EPHA7: variants seen among roughly 807,000 people sequenced by gnomAD.
EPHA7 encodes the protein EPH receptor A7.
EPHA7 carries 25 observed loss-of-function variants against 112.6 expected under a neutral mutation model. That is an observed-to-expected ratio of 0.22 (90% CI 0.16 to 0.31). The LOEUF (loss-of-function observed/expected upper bound fraction) is 0.31. EPHA7 is among the 10% of genes least tolerant of loss of function. The probability of loss-of-function intolerance (pLI) is 1.00; values close to 1 mark genes in which losing one functional copy is unlikely to be tolerated. For synonymous variants in EPHA7, 437 were observed against 406.5 expected, an observed-to-expected ratio of 1.07 and a Z score of -0.90; for missense variants, 962 against 1,212.6, an observed-to-expected ratio of 0.79 and a Z score of 3.07.
intron 5 of EPHA7, among the ~76,000 whole-genome samples, chr6:93,277,285 A>T (rs1771514951): frequency 6.6e-6 from 1 of 152,078 alleles, no homozygotes; most frequent in African/African-American, 2.4e-5. Context: ...ATAAAAATAC[A>T]TACAAATTTG....
At chr6:93,374,752 T>G (rs1378940078) in intron 3 of EPHA7, among the ~76,000 whole-genome samples, 1 of 152,182 alleles carries the variant, frequency 6.6e-6, no homozygotes, top group African/African-American at 2.4e-5. Flanking sequence ...AATAGGAAAC[T>G]GCCTTGGTTT....
rs1467878949 is a variant in EPHA7 at position 93,410,756 on chromosome 6, T to A, written c.577A>T (p.Ile193Leu). 8 of 1,614,078 alleles carry A rather than the reference T, an allele frequency of 5.0e-6. No homozygotes were observed. The highest frequency in any genetic ancestry group is 6.8e-6 in the Non-Finnish European group (8 of 1,179,968). The change falls in exon 3 of 17, where the codon ATA becomes TTA. Residue 193 changes from isoleucine (I) to leucine (L), a missense_variant. Ile to Leu is a conservative substitution (Grantham distance 5). This residue lies in a region of EPHA7 where 160 missense variants were observed against 263.6 expected (regional missense o/e 0.61). Transcript: ENST00000369303. This position sits in a 1 kb window ranked among gnomAD's most constrained non-coding sequence, Gnocchi z 4.0. ...YLAFQDVGAC[I>L]ALVSVKVYYK... The stretch of plus-strand genomic sequence containing the variant: ...TACACTTTGACAGAAACCAAAGCTA[T>A]GCAAGCCCCTACATCCTGAAAGGCA...
intron 5 of EPHA7, among the ~76,000 whole-genome samples, chr6:93,278,487 A>G (rs1300334816): frequency 6.6e-6 from 1 of 152,096 alleles, no homozygotes; most frequent in Non-Finnish European, 1.5e-5. Context: ...ATGGTTAAGG[A>G]GTTCCTGATA....
intron 5 of EPHA7, among the ~76,000 whole-genome samples, chr6:93,356,411 C>T (rs565953459): frequency 2.0e-5 from 3 of 152,064 alleles, no homozygotes; most frequent in African/African-American, 7.2e-5. Context: ...TTTCTTGTTG[C>T]CCAGGCTGGT....
At chr6:93,324,524 T>C (rs962534836) in intron 5 of EPHA7, among the ~76,000 whole-genome samples, 2 of 151,356 alleles carry the variant, frequency 1.3e-5, no homozygotes, top group African/African-American at 4.8e-5. Context: ...ACAGAACTCA[T>C]ACAACATGTA....
At chr6:93,409,916 A>G (rs1224734387) in intron 3 of EPHA7, 1 of 151,516 alleles carries the variant, frequency 6.6e-6, no homozygotes, top group African/African-American at 2.4e-5. Context: ...CCAAAAAAAA[A>G]AAAAAAAAAC....
At chr6:93,362,205 T>TA (rs1776295772) in intron 3 of EPHA7, among the ~76,000 whole-genome samples, 1 of 151,950 alleles carries the variant, frequency 6.6e-6, no homozygotes, top group Non-Finnish European at 1.5e-5. Context: ...GTCTGTTCTT[T>TA]AAATGCAAAA....
At chr6:93,407,433 T>C (rs1423807409) in intron 3 of EPHA7, among the ~76,000 whole-genome samples, 1 of 152,180 alleles carries the variant, frequency 6.6e-6, no homozygotes, top group East Asian at 1.9e-4. Context: ...CTTGCAGCAA[T>C]GCATTGGAAT....
At chr6:93,307,234 C>T (rs1284579049) in intron 5 of EPHA7, among the ~76,000 whole-genome samples, 1 of 149,440 alleles carries the variant, frequency 6.7e-6, no homozygotes, top group Non-Finnish European at 1.5e-5. Context: ...TATGTGGTAC[C>T]AAAAAGAAAA....
rs1010751409 is a variant in EPHA7, at chr6:93,382,605, G to A, written c.833-24194C>T. On this transcript the variant is annotated intron_variant, in intron 3 of 16. Coordinates refer to ENST00000369303, the MANE Select transcript of EPHA7 (RefSeq NM_004440.4). ...TTTGTCATTTCTCTTCTTTCTTCATGACACCTCTCTATTCTTATTCCAGCC... is the reference window on the plus strand; with the variant it reads ...TTTGTCATTTCTCTTCTTTCTTCATAACACCTCTCTATTCTTATTCCAGCC... Among the ~76,000 whole-genome samples, 21 of 152,080 alleles carry A rather than the reference G, an allele frequency of 1.4e-4. 1 individual carries two copies. In the East Asian group the frequency reaches 3.9e-3, roughly 28 times the overall value.
chr6:93,269,339 G>T, intron 7 of EPHA7, 138 bp downstream of exon 7: 1 of 608,268 alleles, frequency 1.6e-6, no homozygotes, highest in Non-Finnish European at 2.5e-6. Context: ...CTTTTACAAA[G>T]TACATTTATA....
chr6:93,283,346 G>C (rs1360118536), intron 5 of EPHA7, among the ~76,000 whole-genome samples: 1 of 152,110 alleles, frequency 6.6e-6, no homozygotes, highest in Non-Finnish European at 1.5e-5. Flanking sequence ...CAATCAGCAG[G>C]ATGTGGGTGG....
At position 93,364,091 on chromosome 6, in the gene EPHA7, G is replaced by C. The variant is rs561214402; in HGVS notation, c.833-5680C>G. Among the ~76,000 whole-genome samples the C allele has an allele frequency of 9.9e-5, 15 of 152,232 alleles. No individual in the cohort carries two copies. In the South Asian group the frequency reaches 2.9e-3, roughly 29 times the overall value. On this transcript the variant is annotated intron_variant, in intron 3 of 16. Coordinates refer to ENST00000369303, the MANE Select transcript of EPHA7 (RefSeq NM_004440.4). ...GTTGATAGATATAAGGCTTATATTT[G>C]GGGTAATTACAATGTTCTAAAAATG...
intron 5 of EPHA7, among the ~76,000 whole-genome samples, chr6:93,347,811 C>G (rs1009670435): frequency 9.9e-5 from 15 of 151,712 alleles, no homozygotes; most frequent in African/African-American, 3.6e-4. Flanking sequence ...GGGGTTAGGG[C>G]TTCAGCATAG....
intron 5 of EPHA7, among the ~76,000 whole-genome samples, chr6:93,282,907 G>C (rs1351507778): frequency 6.6e-6 from 1 of 152,140 alleles, no homozygotes; most frequent in Non-Finnish European, 1.5e-5. Flanking sequence ...ATGGGTTCCT[G>C]CATGGCCAGA....
chr6:93,330,832 C>A (rs2127901958), intron 5 of EPHA7, among the ~76,000 whole-genome samples: 1 of 151,464 alleles, frequency 6.6e-6, no homozygotes, highest in Admixed American at 6.6e-5. Context: ...TCTCCAAGGG[C>A]AAAATATTTA....
chr6:93,389,353 C>T (rs553447075), intron 3 of EPHA7, among the ~76,000 whole-genome samples: 1 of 152,136 alleles, frequency 6.6e-6, no homozygotes, highest in East Asian at 1.9e-4. Context: ...TAATATTTCC[C>T]ACTTTGAAAG....
chr6:93,257,998 A>G (rs1403529566), intron 11 of EPHA7, 101 bp downstream of exon 11: 1 of 1,131,172 alleles, frequency 8.8e-7, no homozygotes, highest in East Asian at 2.5e-5. Context: ...ATTCATTTAG[A>G]CTGTGCAACA....
Position 93,243,517 on chromosome 6 carries a change from G to A in EPHA7, c.2906C>T (p.Thr969Ile). 1.2e-6 allele frequency: 2 copies of A among 1,613,370 alleles called. No individual in the cohort carries two copies. Among genetic ancestry groups the A allele is most frequent in the Non-Finnish European group, 1.7e-6 (2 of 1,179,474 alleles). The stretch of plus-strand genomic sequence containing the variant: ...GATTTTCTTTTGATGACCAACCAGT[G>A]TGATCCCTAAACTCATCACATCCCT... ...TIEDVMSLGITLVGHQKKIMS... is the reference protein window; with the variant it reads ...TIEDVMSLGIILVGHQKKIMS... Residue 969 changes from threonine to isoleucine, a missense_variant, in exon 17 of 17, where the codon ACA becomes ATA. This residue lies in a region of EPHA7 where 746 missense variants were observed against 889.2 expected (regional missense o/e 0.84). Coordinates refer to ENST00000369303, the MANE Select transcript of EPHA7 (RefSeq NM_004440.4).
Sources: allele counts gnomAD v4.1 joint callset (sites outside exome capture counted in the v4.1 genomes callset), GRCh38; gene constraint gnomAD v4.1.1; regional missense constraint gnomAD v4.1.1; non-coding constraint Gnocchi (gnomAD v3.1); transcripts MANE v1.5; gene names NCBI Gene and HGNC (gene_info 2026-07-23, HGNC 2026-07-21).